Variants in ARL14EPL observed in about 807,000 individuals in gnomAD.
The protein encoded by ARL14EPL is ARL14 effector protein-like.
In ARL14EPL, 17 loss-of-function variants were observed where a neutral mutation model predicts 15.9. The ratio of observed to expected loss-of-function variants is 1.07; its 90% CI spans 0.73 to 1.60. The LOEUF is 1.60. Among genes scored for constraint, ARL14EPL ranks in the 40% most tolerant of loss-of-function variants. The probability of loss-of-function intolerance (pLI) is 0.00; values close to 1 mark genes in which losing one functional copy is unlikely to be tolerated. For synonymous variants in ARL14EPL, 78 were observed against 63.8 expected (o/e 1.22, Z -1.06); for missense variants, 214 against 185.9 (o/e 1.15, Z -0.88).
intron 1 of ARL14EPL, among the ~76,000 whole-genome samples, chr5:116,049,767 GC>G (rs1276914491): frequency 7.9e-5 from 12 of 152,180 alleles, no homozygotes; most frequent in African/African-American, 2.9e-4. Flanking sequence ...CTCCAGCAGT[GC>G]TATAAAACAC....
chr5:116,058,592 A>G (rs1439255014), intron 3 of ARL14EPL, 133 bp from the exon 4 acceptor site: 44 of 810,534 alleles, frequency 5.4e-5, no homozygotes, highest in Non-Finnish European at 5.1e-5. Context: ...CAGAGTACCA[A>G]TGTTTCTGGT....
In ARL14EPL at chr5:116,053,998, T is replaced by C; in HGVS notation, c.97-16T>C. 2 of 1,522,482 alleles carry C rather than the reference T, an allele frequency of 1.3e-6. No individual in the cohort carries two copies. Among genetic ancestry groups the C allele is most frequent in the African/African-American group, 1.4e-5 (1 of 72,288 alleles). The allele number at this position is 1,522,482 out of a possible 1,614,324, so 94.3% of individuals were successfully genotyped here. On this transcript the variant is annotated splice_polypyrimidine_tract_variant and intron_variant, in intron 2 of 3. Transcript: ENST00000686077. Reference sequence around the variant, plus strand: ...CTATCTGGTTCTTACTATTAATACATTTATTTGTTTAATAGCAACAAATAG... The same window carrying C: ...CTATCTGGTTCTTACTATTAATACACTTATTTGTTTAATAGCAACAAATAG...
intron 3 of ARL14EPL, among the ~76,000 whole-genome samples, chr5:116,055,650 T>C (rs915061798): frequency 1.3e-5 from 2 of 150,726 alleles, no homozygotes; most frequent in Non-Finnish European, 2.9e-5. Context: ...TATATATATA[T>C]AATTTTTTTT....
At position 116,051,599 on chromosome 5, in the gene ARL14EPL, G is replaced by A. The variant is rs756167700; in HGVS notation, c.96+38G>A. 69 of 1,467,930 alleles carry A rather than the reference G, an allele frequency of 4.7e-5. 1 individual carries two copies. The Middle Eastern group carries it at 6.8e-4, about 14-fold the overall frequency. 90.9% of individuals were successfully genotyped at this position (1,467,930 alleles called of 1,614,324 possible). ...GATTCTATGATTCCATGCTACTGGGGAGTGCCCCCTCGAGGATCTCTGAGA... is the reference window on the plus strand; with the variant it reads ...GATTCTATGATTCCATGCTACTGGGAAGTGCCCCCTCGAGGATCTCTGAGA... On this transcript the variant is annotated intron_variant, in intron 2 of 3. Coordinates refer to ENST00000686077, the MANE Select transcript of ARL14EPL (RefSeq NM_001195581.2).
chr5:116,038,254 T>C (rs1749084758), intron 1 of ARL14EPL, among the ~76,000 whole-genome samples: 1 of 152,156 alleles, frequency 6.6e-6, no homozygotes, highest in South Asian at 2.1e-4. Flanking sequence ...TGAAGAGTCA[T>C]ATAGATCCTG....
At position 116,059,137 on chromosome 5, in the gene ARL14EPL, C is replaced by A; in HGVS notation, c.*190C>A. The A allele has an allele frequency of 3.3e-6, 2 of 609,178 alleles. No homozygotes were observed. The highest frequency in any genetic ancestry group is 5.7e-6 in the Non-Finnish European group (2 of 352,892). 37.7% of individuals were successfully genotyped at this position (609,178 alleles called of 1,614,324 possible). A position where few individuals can be genotyped will look rare whatever the true frequency, so the allele number is the denominator to read the frequency against. On this transcript the variant is annotated 3_prime_UTR_variant, in exon 4 of 4. Coordinates refer to ENST00000686077, the MANE Select transcript of ARL14EPL (RefSeq NM_001195581.2). The stretch of plus-strand genomic sequence containing the variant: ...CCTTCTTAACTGTGTCAACAATTTT[C>A]AAGTCCCTTAACTTGCAACCAAAGA...
intron 2 of ARL14EPL, chr5:116,052,097 T>C (rs942049530): frequency 1.9e-6 from 3 of 1,613,356 alleles, no homozygotes; most frequent in African/African-American, 2.7e-5. Flanking sequence ...AAGTTTATAG[T>C]TGGGAACTTC....
chr5:116,040,193 T>C (rs1749122898), intron 1 of ARL14EPL, among the ~76,000 whole-genome samples: 1 of 152,138 alleles, frequency 6.6e-6, no homozygotes, highest in African/African-American at 2.4e-5. Flanking sequence ...TCAAAGATAA[T>C]GTCTATTTTA....
intron 1 of ARL14EPL, chr5:116,051,250 C>T: frequency 2.2e-6 from 1 of 463,706 alleles, no homozygotes; most frequent in Non-Finnish European, 3.8e-6. Context: ...TCCTGGAACC[C>T]CCGGCAGAGG....
Position 116,058,937 on chromosome 5 carries a change from T to C in ARL14EPL, c.449T>C (p.Val150Ala). 6.5e-7 allele frequency: 1 copy of C among 1,535,990 alleles called. No homozygotes were observed. The highest frequency in any genetic ancestry group is 8.7e-7 in the Non-Finnish European group (1 of 1,146,792). The change falls in exon 4 of 4, where the codon GTT becomes GCT. Residue 150 changes from valine to alanine, a missense_variant. By Grantham distance (64) the Val-to-Ala change is moderately conservative. Coordinates refer to ENST00000686077, the MANE Select transcript of ARL14EPL (RefSeq NM_001195581.2). Reference protein sequence around the residue: ...GEVISTLPFNVPD With the variant: ...GEVISTLPFNAPD ...GTCATCAGCACGCTGCCGTTTAATG[T>C]TCCTGACTAGGTGCTCTTGTATATG...
chr5:116,052,271 T>C, intron 2 of ARL14EPL: 2 of 1,555,196 alleles, frequency 1.3e-6, no homozygotes, highest in Non-Finnish European at 1.8e-6. Context: ...CTTCTCGTCG[T>C]CCTTGGGCGG....
intron 3 of ARL14EPL, among the ~76,000 whole-genome samples, chr5:116,055,895 G>T (rs965841489): frequency 3.9e-5 from 6 of 152,106 alleles, no homozygotes; most frequent in African/African-American, 1.4e-4. Flanking sequence ...AGAACATGCG[G>T]TGTTTGGTTT....
At chr5:116,040,610 A>C (rs950945349) in intron 1 of ARL14EPL, among the ~76,000 whole-genome samples, 2 of 151,352 alleles carry the variant, frequency 1.3e-5, no homozygotes, top group Non-Finnish European at 2.9e-5. Flanking sequence ...TAATAGTAAT[A>C]ATAGTAAAAT....
At chr5:116,036,493 A>G (rs1489787666) in intron 1 of ARL14EPL, among the ~76,000 whole-genome samples, 2 of 152,240 alleles carry the variant, frequency 1.3e-5, no homozygotes, top group East Asian at 1.9e-4. Flanking sequence ...AAATGCATTT[A>G]AATAGATTGT....
At chr5:116,041,624 T>G (rs1415962293) in intron 1 of ARL14EPL, among the ~76,000 whole-genome samples, 1 of 152,152 alleles carries the variant, frequency 6.6e-6, no homozygotes, top group East Asian at 1.9e-4. Flanking sequence ...GGAGTGCACT[T>G]TGCAGTTTAG....
Position 116,059,118 on chromosome 5 carries a change from T to C in ARL14EPL, c.*171T>C. The C allele has an allele frequency of 1.5e-6, 1 of 650,256 alleles. No homozygotes were observed. The highest frequency in any genetic ancestry group is 2.6e-6 in the Non-Finnish European group (1 of 386,438). 40.3% of individuals were successfully genotyped at this position (650,256 alleles called of 1,614,324 possible). The stretch of plus-strand genomic sequence containing the variant: ...ATGGGCAATAATTCTGTAACCTTCT[T>C]AACTGTGTCAACAATTTTCAAGTCC... On this transcript the variant is annotated 3_prime_UTR_variant, in exon 4 of 4. Coordinates refer to ENST00000686077, the MANE Select transcript of ARL14EPL (RefSeq NM_001195581.2).
intron 1 of ARL14EPL, among the ~76,000 whole-genome samples, chr5:116,050,867 A>C (rs1749362905): frequency 6.7e-6 from 1 of 148,306 alleles, no homozygotes. Context: ...AGACGCACGC[A>C]CCCTGTATAT....
At chr5:116,046,105 A>C (rs1749262643) in intron 1 of ARL14EPL, among the ~76,000 whole-genome samples, 1 of 152,204 alleles carries the variant, frequency 6.6e-6, no homozygotes, top group South Asian at 2.1e-4. Flanking sequence ...CTATAAATTT[A>C]GCAAGTATAG....
intron 1 of ARL14EPL, among the ~76,000 whole-genome samples, chr5:116,044,947 A>G (rs1469693342): frequency 6.6e-6 from 1 of 152,156 alleles, no homozygotes; most frequent in Non-Finnish European, 1.5e-5. Flanking sequence ...ACTTAAAGGT[A>G]TGTGTTCTTT....
Sources: gnomAD v4.1 joint callset for allele counts (sites outside exome capture counted in the v4.1 genomes callset) on GRCh38, gnomAD v4.1.1 for gene constraint, MANE v1.5 for transcripts, NCBI Gene and HGNC (gene_info 2026-07-23, HGNC 2026-07-21) for gene names.